The following IPCEF1 variants were observed in gnomAD, a reference collection of about 807,000 sequenced individuals.
The protein encoded by IPCEF1 is interactor protein for cytohesin exchange factors 1.
Under a neutral mutation model 50.9 loss-of-function variants are expected in IPCEF1, and 31 were observed. The ratio of observed to expected loss-of-function variants is 0.61; its 90% CI spans 0.46 to 0.82. The LOEUF is 0.82. IPCEF1 is among the 40% of genes least tolerant of loss of function. The pLI, the probability that IPCEF1 is intolerant of heterozygous loss-of-function variation, is 0.00. For missense variants in IPCEF1, 458 were observed against 514.0 expected (o/e 0.89, Z 1.05); for synonymous variants, 181 against 192.0 (o/e 0.94, Z 0.47).
intron 10 of IPCEF1, among the ~76,000 whole-genome samples, chr6:154,186,071 C>T (rs6906755): frequency 0.35 from 53,926 of 152,050 alleles, 9,884 homozygotes; most frequent in Middle Eastern, 0.49. Context: ...GTTCTCTCTC[C>T]CCAGGTGATC....
intron 3 of IPCEF1, among the ~76,000 whole-genome samples, chr6:154,263,159 T>G (rs1781646241): frequency 1.3e-5 from 2 of 152,234 alleles, no homozygotes; most frequent in Admixed American, 1.3e-4. Context: ...ACTCTATTTT[T>G]ACAGATCTGC....
At chr6:154,267,937 A>G (rs1307815060) in intron 2 of IPCEF1, among the ~76,000 whole-genome samples, 1 of 152,164 alleles carries the variant, frequency 6.6e-6, no homozygotes, top group African/African-American at 2.4e-5. Flanking sequence ...ATGGCCTCAG[A>G]GGTGAGGAAA....
intron 7 of IPCEF1, among the ~76,000 whole-genome samples, chr6:154,215,547 A>C (rs912638462): frequency 6.6e-5 from 10 of 152,136 alleles, no homozygotes; most frequent in Non-Finnish European, 1.3e-4. Context: ...TGGAGGTTGC[A>C]ATGAGCCGAG....
chr6:154,279,141 A>T (rs1231107284), intron 2 of IPCEF1, among the ~76,000 whole-genome samples: 5 of 151,768 alleles, frequency 3.3e-5, no homozygotes, highest in East Asian at 3.8e-4. Context: ...AAAAAAAAAA[A>T]GTGGGCATAA....
intron 10 of IPCEF1, among the ~76,000 whole-genome samples, chr6:154,197,217 C>A (rs570704345): frequency 4.1e-4 from 63 of 152,176 alleles, no homozygotes; most frequent in African/African-American, 1.5e-3. Context: ...AAAAACAATA[C>A]CTTTTAAAAG....
rs548333008 is a variant in IPCEF1 at position 154,306,017 on chromosome 6, C to T, written c.-61-16261G>A. Reference sequence around the variant, plus strand: ...GCAGAGGGCCTATTGTGGGACTTCACCTTGCGATCGTGTGAGTCAATTCTC... The same window carrying T: ...GCAGAGGGCCTATTGTGGGACTTCATCTTGCGATCGTGTGAGTCAATTCTC... On this transcript the variant is annotated intron_variant, in intron 1 of 11. Coordinates refer to ENST00000367220, the MANE Select transcript of IPCEF1 (RefSeq NM_001130700.2). Among the ~76,000 whole-genome samples the T allele has an allele frequency of 2.6e-5, 4 of 152,298 alleles. No homozygotes were observed. In the South Asian group the frequency reaches 8.3e-4, roughly 32 times the overall value.
intron 2 of IPCEF1, among the ~76,000 whole-genome samples, chr6:154,286,195 G>A (rs1782354814): frequency 6.6e-6 from 1 of 152,040 alleles, no homozygotes; most frequent in Non-Finnish European, 1.5e-5. Context: ...CTGTCTGGGG[G>A]TGGGGGGTGG....
chr6:154,327,771 A>G (rs1464638153), intron 1 of IPCEF1, among the ~76,000 whole-genome samples: 2 of 152,226 alleles, frequency 1.3e-5, no homozygotes, highest in Admixed American at 6.5e-5. Context: ...ACATGCACAC[A>G]TATGTTCATT....
chr6:154,294,787 C>T (rs894711067), intron 1 of IPCEF1, among the ~76,000 whole-genome samples: 1 of 152,116 alleles, frequency 6.6e-6, no homozygotes. Context: ...GTGACAAGAA[C>T]CTGGCTTTTA....
chr6:154,189,211 C>T (rs536362503), intron 10 of IPCEF1, among the ~76,000 whole-genome samples: 7 of 152,256 alleles, frequency 4.6e-5, no homozygotes, highest in Non-Finnish European at 1.0e-4. Context: ...TTACCACCTG[C>T]CAATTTTGCA....
At chr6:154,232,058 C>G (rs1229469685) in intron 5 of IPCEF1, among the ~76,000 whole-genome samples, 1 of 151,866 alleles carries the variant, frequency 6.6e-6, no homozygotes, top group Admixed American at 6.6e-5. Flanking sequence ...GGTTTTTTTC[C>G]TTTCTTCCCC....
chr6:154,333,741 ATATATGTGTATG>A (rs955317111), intron 1 of IPCEF1, among the ~76,000 whole-genome samples: 9 of 151,442 alleles, frequency 5.9e-5, no homozygotes, highest in African/African-American at 1.9e-4. Context: ...GTGTATGTAT[ATATATGTGTATG>A]TATATATGTG....
intron 9 of IPCEF1, among the ~76,000 whole-genome samples, chr6:154,205,743 AT>A (rs1777441148): frequency 6.6e-6 from 1 of 152,234 alleles, no homozygotes; most frequent in Admixed American, 6.5e-5. Flanking sequence ...ATAAACTGCA[AT>A]TAGGACAAGG....
intron 1 of IPCEF1, among the ~76,000 whole-genome samples, chr6:154,322,395 CA>C: frequency 2.0e-5 from 3 of 151,970 alleles, no homozygotes; most frequent in South Asian, 2.1e-4. Flanking sequence ...CACACACACA[CA>C]CACACACCCC....
chr6:154,170,548 T>A (rs1216367428), intron 10 of IPCEF1, among the ~76,000 whole-genome samples: 1 of 152,226 alleles, frequency 6.6e-6, no homozygotes, highest in Non-Finnish European at 1.5e-5. Context: ...AAAATGTTCA[T>A]CAGCACAACC....
intron 1 of IPCEF1, among the ~76,000 whole-genome samples, chr6:154,302,713 G>A (rs1189983120): frequency 1.3e-5 from 2 of 151,918 alleles, no homozygotes; most frequent in Non-Finnish European, 2.9e-5. Context: ...GAGCTTGAGC[G>A]ATCCCCCAGC....
Position 154,314,254 on chromosome 6 carries a change from G to C in IPCEF1, c.-61-24498C>G, listed in dbSNP as rs546198643. 5.0e-4 allele frequency among the ~76,000 whole-genome samples: 76 copies of C among 152,240 alleles called. 1 individual carries two copies. The East Asian group carries it at 7.1e-3, about 14-fold the overall frequency. On this transcript the variant is annotated intron_variant, in intron 1 of 11. Coordinates refer to ENST00000367220, the MANE Select transcript of IPCEF1 (RefSeq NM_001130700.2). Reference sequence around the variant, plus strand: ...CAGCTCATCTTAGATAAGAAACTGAGAACAGATTCGGGGGAAATGCCCAAT... The same window carrying C: ...CAGCTCATCTTAGATAAGAAACTGACAACAGATTCGGGGGAAATGCCCAAT...
intron 4 of IPCEF1, chr6:154,247,122 C>A: frequency 4.8e-6 from 2 of 419,558 alleles, no homozygotes; most frequent in African/African-American, 2.0e-5. Flanking sequence ...CATATCAGTG[C>A]AGTAACATAG....
intron 1 of IPCEF1, among the ~76,000 whole-genome samples, chr6:154,356,250 T>C (rs1037474120): frequency 3.9e-5 from 6 of 152,160 alleles, no homozygotes; most frequent in African/African-American, 1.4e-4. Context: ...AAGTGTAAAA[T>C]GTCCCCCAGC....
Sources: gnomAD v4.1 joint callset for allele counts (sites outside exome capture counted in the v4.1 genomes callset) on GRCh38, gnomAD v4.1.1 for gene constraint, MANE v1.5 for transcripts, NCBI Gene and HGNC (gene_info 2026-07-23, HGNC 2026-07-21) for gene names.